Variants in PTCHD4 observed in about 807,000 individuals in gnomAD.
PTCHD4 encodes the protein patched domain-containing protein 4.
In PTCHD4, 33 loss-of-function variants were observed where a neutral mutation model predicts 58.1. The ratio of observed to expected loss-of-function variants is 0.57; its 90% CI spans 0.43 to 0.76. The LOEUF is 0.76. Ranked by LOEUF, PTCHD4 falls within the 30% of genes least tolerant of loss-of-function variation. The pLI is 0.00. For missense variants in PTCHD4, 1,058 were observed against 1,027.1 expected, an observed-to-expected ratio of 1.03 and a Z score of -0.41; for synonymous variants, 478 against 409.6, an observed-to-expected ratio of 1.17 and a Z score of -2.02.
In PTCHD4 at chr6:48,008,712, T is replaced by C. The variant is rs1762556197; in HGVS notation, c.820A>G (p.Ile274Val). 2.5e-6 allele frequency: 4 copies of C among 1,613,862 alleles called. No individual in the cohort carries two copies. Among genetic ancestry groups the C allele is most frequent in the Non-Finnish European group, 3.4e-6 (4 of 1,179,872 alleles). ...ATGAAGAAGATCCCTGCTGCTGTGA[T>C]GATGGAGATGCATACTGTGAGCACC... ...LGVLTVCISI[I>V]TAAGIFFITD... The change falls in exon 4 of 5, where the codon ATC becomes GTC. Residue 274 changes from isoleucine (I) to valine (V), a missense_variant. Ile to Val is a conservative substitution (Grantham distance 29). Coordinates refer to ENST00000339488, the MANE Select transcript of PTCHD4 (RefSeq NM_001384253.1).
chr6:48,032,788 A>T (rs1217402372), intron 3 of PTCHD4, among the ~76,000 whole-genome samples: 3 of 152,128 alleles, frequency 2.0e-5, no homozygotes, highest in Admixed American at 6.6e-5. Flanking sequence ...AGAACATTAA[A>T]CTGAAATAAA....
chr6:48,090,755 A>T (rs1765350221), intron 1 of PTCHD4, among the ~76,000 whole-genome samples: 1 of 152,186 alleles, frequency 6.6e-6, no homozygotes, highest in Admixed American at 6.5e-5. Context: ...AAATGTTCAA[A>T]TCATTAAAAG....
At chr6:47,969,041 T>A (rs1479624983) in intron 4 of PTCHD4, among the ~76,000 whole-genome samples, 2 of 152,200 alleles carry the variant, frequency 1.3e-5, no homozygotes, top group East Asian at 3.8e-4. Flanking sequence ...CCAGAACTAT[T>A]TATTTCTCAT....
intron 4 of PTCHD4, among the ~76,000 whole-genome samples, chr6:47,939,628 G>A (rs535513647): frequency 4.6e-5 from 7 of 152,186 alleles, no homozygotes; most frequent in African/African-American, 1.4e-4. Context: ...TGTGTGCAAC[G>A]TGACCTTGCA....
intron 4 of PTCHD4, among the ~76,000 whole-genome samples, chr6:47,982,535 C>A (rs965072486): frequency 2.1e-5 from 3 of 142,196 alleles, no homozygotes; most frequent in African/African-American, 7.9e-5. Context: ...GTCGCCCAGG[C>A]TGGAGTGCAG....
chr6:47,878,416 A>T lies in PTCHD4; in HGVS notation c.2419T>A (p.Phe807Ile), dbSNP rs1308306548. Residue 807 changes from phenylalanine to isoleucine, a missense_variant, in exon 5 of 5, where the codon TTC becomes ATC. By Grantham distance (21) the Phe-to-Ile change is conservative. Transcript: ENST00000339488. ...FVILPVFLTFFPPSKKHHKKK... is the reference protein window; with the variant it reads ...FVILPVFLTFIPPSKKHHKKK... Reference sequence around the variant, plus strand: ...TTGTGGTGCTTTTTGGAAGGGGGGAAAAACGTTAGGAACACAGGTAAAATA... The same window carrying T: ...TTGTGGTGCTTTTTGGAAGGGGGGATAAACGTTAGGAACACAGGTAAAATA... The T allele has an allele frequency of 2.5e-6, 4 of 1,613,332 alleles. No individual in the cohort carries two copies. The African/African-American group carries it at 5.3e-5, about 22-fold the overall frequency.
At chr6:48,000,796 A>G (rs1035506003) in intron 4 of PTCHD4, among the ~76,000 whole-genome samples, 1 of 151,898 alleles carries the variant, frequency 6.6e-6, no homozygotes, top group Non-Finnish European at 1.5e-5. Context: ...TCCCTTTCCT[A>G]CTCAGTGGCA....
At chr6:48,020,599 A>G (rs1763032273) in intron 3 of PTCHD4, among the ~76,000 whole-genome samples, 2 of 152,120 alleles carry the variant, frequency 1.3e-5, no homozygotes, top group Non-Finnish European at 2.9e-5. Flanking sequence ...GCATGTCGAA[A>G]CCAAGATAAA....
intron 4 of PTCHD4, among the ~76,000 whole-genome samples, chr6:47,927,743 A>T (rs1462090066): frequency 6.6e-6 from 1 of 151,924 alleles, no homozygotes; most frequent in Admixed American, 6.6e-5. Flanking sequence ...TTCCATTTTT[A>T]AAAAGTCAAT....
At position 48,055,558 on chromosome 6, in the gene PTCHD4, C is replaced by T. The variant is rs934089055; in HGVS notation, c.417+12672G>A. 2.6e-5 allele frequency among the ~76,000 whole-genome samples: 4 copies of T among 152,146 alleles called. No homozygotes were observed. In the East Asian group the frequency reaches 7.7e-4, roughly 29 times the overall value. On this transcript the variant is annotated intron_variant, in intron 3 of 4. Coordinates refer to ENST00000339488, the MANE Select transcript of PTCHD4 (RefSeq NM_001384253.1). ...ATTAGCTAATAAAAAAGTCTAAAGGCTCACAGCCTAGAAAGAATCCAATTC... is the reference window on the plus strand; with the variant it reads ...ATTAGCTAATAAAAAAGTCTAAAGGTTCACAGCCTAGAAAGAATCCAATTC...
Position 47,876,034 on chromosome 6 carries a change from T to C in PTCHD4, c.*2269A>G, listed in dbSNP as rs1458599202. Among the ~76,000 whole-genome samples, 1 of 151,520 alleles carries C rather than the reference T, an allele frequency of 6.6e-6. No homozygotes were observed. Among genetic ancestry groups the C allele is most frequent in the Non-Finnish European group, 1.5e-5 (1 of 67,774 alleles). ...ATATCAAATCTTTACAAATGATGGG[T>C]AATCTGTAAGAGGAATTCTCCTCCT... is the stretch of plus-strand genomic sequence containing the variant. On this transcript the variant is annotated 3_prime_UTR_variant, in exon 5 of 5. Coordinates refer to ENST00000339488, the MANE Select transcript of PTCHD4 (RefSeq NM_001384253.1).
At chr6:47,970,585 C>T (rs554644244) in intron 4 of PTCHD4, among the ~76,000 whole-genome samples, 42 of 152,166 alleles carry the variant, frequency 2.8e-4, no homozygotes, top group Non-Finnish European at 5.7e-4. Context: ...TTACTAGAGA[C>T]CTGTGATTTG....
chr6:47,983,068 T>C (rs1291151121), intron 4 of PTCHD4, among the ~76,000 whole-genome samples: 3 of 152,150 alleles, frequency 2.0e-5, no homozygotes, highest in Admixed American at 1.3e-4. Flanking sequence ...ATAATGGAGA[T>C]ACTGTTGGAG....
At chr6:47,968,796 G>A (rs533926108) in intron 4 of PTCHD4, among the ~76,000 whole-genome samples, 1 of 152,126 alleles carries the variant, frequency 6.6e-6, no homozygotes, top group East Asian at 1.9e-4. Context: ...ACTCAGTCAA[G>A]GAAAACTTTA....
intron 4 of PTCHD4, among the ~76,000 whole-genome samples, chr6:47,971,690 T>C (rs1262477076): frequency 6.6e-6 from 1 of 152,142 alleles, no homozygotes; most frequent in African/African-American, 2.4e-5. Flanking sequence ...CCTCCTATGC[T>C]TCCTTCCTCA....
At chr6:48,007,936 G>GCACACACA (rs10554552) in intron 4 of PTCHD4, among the ~76,000 whole-genome samples, 40 of 150,354 alleles carry the variant, frequency 2.7e-4, no homozygotes, top group African/African-American at 9.3e-4. Context: ...GTGCGCGCGC[G>GCACACACA]CACACACACA....
At chr6:47,899,741 A>C (rs9968847) in intron 4 of PTCHD4, 128,860 of 177,740 alleles carry the variant, frequency 0.72, 46,820 homozygotes, top group East Asian at 0.84. Flanking sequence ...CATTTCATCA[A>C]CCTGAAAGAA....
At chr6:47,981,810 G>A (rs1767891232) in intron 4 of PTCHD4, among the ~76,000 whole-genome samples, 1 of 152,104 alleles carries the variant, frequency 6.6e-6, no homozygotes, top group African/African-American at 2.4e-5. Context: ...AATGGTTTGT[G>A]GAGACCCTTC....
intron 3 of PTCHD4, among the ~76,000 whole-genome samples, chr6:48,048,018 TA>T (rs34442679): frequency 0.074 from 9,407 of 127,586 alleles, 455 homozygotes; most frequent in African/African-American, 0.16. Context: ...AGCATTCTAG[TA>T]AAAAAAAAAA....
Sources: gnomAD v4.1 joint callset for allele counts (sites outside exome capture counted in the v4.1 genomes callset) on GRCh38, gnomAD v4.1.1 for gene constraint, MANE v1.5 for transcripts, NCBI Gene and HGNC (gene_info 2026-07-23, HGNC 2026-07-21) for gene names.